The following CCDC141 variants were observed in gnomAD, a reference collection of about 807,000 sequenced individuals.
The protein encoded by CCDC141 is coiled-coil domain-containing protein 141.
Under a neutral mutation model 181.0 loss-of-function variants are expected in CCDC141, and 168 were observed. That is an observed-to-expected ratio of 0.93 (90% CI 0.82 to 1.05). The LOEUF is 1.05. Among genes scored for constraint, CCDC141 ranks in the 50% least tolerant of loss-of-function variants. The pLI is 0.00. For missense variants in CCDC141, 1,902 were observed against 1,788.5 expected, an observed-to-expected ratio of 1.06 and a Z score of -1.14; for synonymous variants, 666 against 642.3, an observed-to-expected ratio of 1.04 and a Z score of -0.56.
intron 2 of CCDC141, among the ~76,000 whole-genome samples, chr2:179,039,837 T>C (rs1023156092): frequency 2.0e-5 from 3 of 152,200 alleles, no homozygotes; most frequent in Non-Finnish European, 2.9e-5. Flanking sequence ...AGCTAGTAAA[T>C]TGGTTGAATT....
intron 4 of CCDC141, among the ~76,000 whole-genome samples, chr2:178,973,528 G>A (rs1690990578): frequency 2.0e-5 from 3 of 152,096 alleles, no homozygotes; most frequent in African/African-American, 7.2e-5. Context: ...TGCAAACAAA[G>A]CAGCATGTGC....
At chr2:178,836,638 A>C (rs1684484845) in intron 23 of CCDC141, 1 of 336,730 alleles carries the variant, frequency 3.0e-6, no homozygotes, top group African/African-American at 2.1e-5. Flanking sequence ...GAAAACAAGC[A>C]CAACCAACCT....
intron 16 of CCDC141, 45 bp downstream of exon 16, chr2:178,867,981 C>T (rs1160274315): frequency 6.7e-7 from 1 of 1,482,168 alleles, no homozygotes; most frequent in Non-Finnish European, 9.2e-7. Context: ...TAGCCCAAGC[C>T]CCAGCTAGAA....
At chr2:178,998,187 C>G (rs1692374783) in intron 2 of CCDC141, among the ~76,000 whole-genome samples, 1 of 152,162 alleles carries the variant, frequency 6.6e-6, no homozygotes, top group African/African-American at 2.4e-5. Context: ...CAACAGGGAG[C>G]TGTAGAAAGT....
rs75408409 is a variant in CCDC141 at position 178,902,801 on chromosome 2, C to T, written c.1265+2528G>A. Among the ~76,000 whole-genome samples the T allele has an allele frequency of 8.2e-3, 1,227 of 149,588 alleles. 17 individuals carry two copies. Among genetic ancestry groups the T allele is most frequent in the Non-Finnish European group, 0.012 (836 of 67,782 alleles). ...AGCTTCTGCACAGCAAAAGAAACTA[C>T]CATCAGAGTGAACAGGCAACCTACA... is the stretch of plus-strand genomic sequence containing the variant. On this transcript the variant is annotated intron_variant, in intron 8 of 23. Coordinates refer to ENST00000443758, the MANE Select transcript of CCDC141 (RefSeq NM_173648.4).
At chr2:179,042,118 A>G (rs901027652) in intron 2 of CCDC141, among the ~76,000 whole-genome samples, 10 of 152,188 alleles carry the variant, frequency 6.6e-5, no homozygotes, top group African/African-American at 2.2e-4. Context: ...AACATACATT[A>G]TTCTCATTGC....
intron 2 of CCDC141, chr2:179,002,082 T>C (rs1303452613): frequency 5.5e-6 from 1 of 182,804 alleles, no homozygotes; most frequent in Non-Finnish European, 1.2e-5. Context: ...CTTCCCAAAG[T>C]GTTGGGATTA....
intron 2 of CCDC141, among the ~76,000 whole-genome samples, chr2:179,015,684 CTCATACATATCTCATATAT>C (rs2042498981): frequency 3.0e-5 from 4 of 132,874 alleles, no homozygotes; most frequent in South Asian, 4.9e-4. Flanking sequence ...TCATATATAT[CTCATACATATCTCATATAT>C]ATATCTCATA....
chr2:179,027,646 C>CAAAAAAAAAAA (rs71023466), intron 2 of CCDC141, among the ~76,000 whole-genome samples: 20 of 53,274 alleles, frequency 3.8e-4, no homozygotes, highest in African/African-American at 6.9e-4. Context: ...CTCTTACTCT[C>CAAAAAAAAAAA]AAAAAAAAAA....
In CCDC141 at chr2:178,850,216, A is replaced by G. The variant is rs897856826; in HGVS notation, c.3245-55T>C. 3 of 881,008 alleles carry G rather than the reference A, an allele frequency of 3.4e-6. No homozygotes were observed. The Admixed American group carries it at 5.6e-5, about 16-fold the overall frequency. 54.6% of individuals were successfully genotyped at this position (881,008 alleles called of 1,614,324 possible). Reference sequence around the variant, plus strand: ...AAAGGTCAAATTTTTAGCAAGAAGAAAAGTCCAGGTATAAATTCATCTCCC... The same window carrying G: ...AAAGGTCAAATTTTTAGCAAGAAGAGAAGTCCAGGTATAAATTCATCTCCC... On this transcript the variant is annotated intron_variant, in intron 20 of 23. Coordinates refer to ENST00000443758, the MANE Select transcript of CCDC141 (RefSeq NM_173648.4).
intron 23 of CCDC141, chr2:178,836,349 G>C: frequency 6.5e-6 from 1 of 152,878 alleles, no homozygotes; most frequent in South Asian, 2.1e-4. Flanking sequence ...TGGAGGAACT[G>C]TGACAGAAAT....
intron 2 of CCDC141, chr2:179,002,479 A>C: frequency 2.4e-6 from 1 of 412,602 alleles, no homozygotes; most frequent in Non-Finnish European, 4.9e-6. Flanking sequence ...AGAATCCACA[A>C]ACTTTTCAAT....
intron 4 of CCDC141, among the ~76,000 whole-genome samples, chr2:178,965,198 G>C (rs1356515898): frequency 6.6e-6 from 1 of 152,170 alleles, no homozygotes; most frequent in Non-Finnish European, 1.5e-5. Flanking sequence ...ATGTTCCCCA[G>C]TGGGATGGTT....
rs199994228 is a variant in CCDC141 at position 179,049,589 on chromosome 2, C to CT, written c.102+250dup. On this transcript the variant is annotated intron_variant, in intron 1 of 23. Coordinates refer to ENST00000443758, the MANE Select transcript of CCDC141 (RefSeq NM_173648.4). ...TCTTTTCTTTATTTTTCTTTCTTTTCTTTTTTTTTTTTTTTTTAAATCAAG... is the reference window on the plus strand; with the variant it reads ...TCTTTTCTTTATTTTTCTTTCTTTTCTTTTTTTTTTTTTTTTTTAAATCAAG... Among the ~76,000 whole-genome samples the CT allele has an allele frequency of 0.06, 8,118 of 135,558 alleles. 719 individuals are homozygous for CT. The highest frequency in any genetic ancestry group is 0.19 in the African/African-American group (7,133 of 37,124). 88.9% of individuals were successfully genotyped at this position (135,558 alleles called of 152,430 possible).
At position 178,872,220 on chromosome 2, in the gene CCDC141, G is replaced by T. The variant is rs755440131; in HGVS notation, c.1992C>A (p.Ser664Arg). The T allele has an allele frequency of 6.2e-7, 1 of 1,613,930 alleles. No individual in the cohort carries two copies. Among genetic ancestry groups the T allele is most frequent in the Non-Finnish European group, 8.5e-7 (1 of 1,179,974 alleles). Residue 664 changes from serine to arginine, a missense_variant, in exon 13 of 24, where the codon AGC (serine) becomes AGA (arginine). By Grantham distance (110) the Ser-to-Arg change is moderately radical. Coordinates refer to ENST00000443758, the MANE Select transcript of CCDC141 (RefSeq NM_173648.4). ...ENQKAEREEL[S>R]LLRLAWQLKA... is the part of the protein sequence containing the mutation. Reference sequence around the variant, plus strand: ...TAAGCTGCCATGCCAGCCGAAGGAGGCTAAGTTCTTCCCGTTCTGCTTTCT... The same window carrying T: ...TAAGCTGCCATGCCAGCCGAAGGAGTCTAAGTTCTTCCCGTTCTGCTTTCT...
At chr2:178,895,993 G>A (rs1169704653) in intron 8 of CCDC141, among the ~76,000 whole-genome samples, 1 of 152,172 alleles carries the variant, frequency 6.6e-6, no homozygotes, top group African/African-American at 2.4e-5. Context: ...GGTTTCTTGG[G>A]TGGTTTCAGC....
chr2:178,981,184 T>G (rs965098359), intron 2 of CCDC141, among the ~76,000 whole-genome samples: 1 of 152,164 alleles, frequency 6.6e-6, no homozygotes, highest in Non-Finnish European at 1.5e-5. Context: ...GTAATCATTA[T>G]ATCCAGCAGG....
chr2:178,899,080 C>T (rs530121817), intron 8 of CCDC141, among the ~76,000 whole-genome samples: 148 of 152,090 alleles, frequency 9.7e-4, no homozygotes, highest in African/African-American at 2.4e-3. Flanking sequence ...TCAACAATGG[C>T]GGTCCGACAA....
chr2:178,996,368 G>A (rs111462755), intron 2 of CCDC141, among the ~76,000 whole-genome samples: 2,303 of 152,186 alleles, frequency 0.015, 51 homozygotes, highest in African/African-American at 0.051. Flanking sequence ...GTGAGCCACC[G>A]CACCTGGCCA....
Sources: allele counts gnomAD v4.1 joint callset (sites outside exome capture counted in the v4.1 genomes callset), GRCh38; gene constraint gnomAD v4.1.1; transcripts MANE v1.5; gene names NCBI Gene and HGNC (gene_info 2026-07-23, HGNC 2026-07-21).